Variants in HIPK3 observed in about 807,000 individuals in gnomAD.
HIPK3 encodes the protein homeodomain-interacting protein kinase 3.
A neutral mutation model predicts 124.2 loss-of-function variants in HIPK3; 47 were observed. The ratio of observed to expected loss-of-function variants is 0.38; its 90% confidence interval spans 0.30 to 0.48. The LOEUF (loss-of-function observed/expected upper bound fraction) is 0.48. Ranked by LOEUF, HIPK3 falls within the 20% of genes least tolerant of loss-of-function variation. The pLI, the probability that HIPK3 is intolerant of heterozygous loss-of-function variation, is 0.98. For synonymous variants in HIPK3, 482 were observed against 515.2 expected (o/e 0.94, Z 0.87); for missense variants, 1,286 against 1,454.3 (o/e 0.88, Z 1.88).
Position 33,348,661 on chromosome 11 carries a change from T to A in HIPK3, c.2509T>A (p.Cys837Ser). The change falls in exon 13 of 17, where the codon TGT becomes AGT. Residue 837 changes from cysteine (C) to serine (S), a missense_variant. This residue lies in a region of HIPK3 where 810 missense variants were observed against 864.9 expected (regional missense o/e 0.94). Transcript: ENST00000303296. ...CTCAGAAGGAGAGGCAAGAAATTGC[T>A]GTGAAACATCTATCAGACAGGACTC... ...QNSEGEARNC[C>S]ETSIRQDSDS... The A allele has an allele frequency of 6.2e-7, 1 of 1,614,188 alleles. No individual in the cohort carries two copies. Among genetic ancestry groups the A allele is most frequent in the Non-Finnish European group, 8.5e-7 (1 of 1,180,046 alleles).
chr11:33,278,760 C>T (rs566294924), intron 1 of HIPK3, among the ~76,000 whole-genome samples: 27 of 151,994 alleles, frequency 1.8e-4, no homozygotes, highest in Non-Finnish European at 3.5e-4. Flanking sequence ...AGGAGAATGG[C>T]GTGAACCCGG....
At position 33,286,973 on chromosome 11, in the gene HIPK3, C is replaced by T; in HGVS notation, c.559C>T (p.His187Tyr). The change falls in exon 2 of 17, where the codon CAT becomes TAT. Residue 187 changes from histidine (H) to tyrosine (Y), a missense_variant. This residue lies in a region of HIPK3 where 225 missense variants were observed against 240.3 expected (regional missense o/e 0.94). Coordinates refer to ENST00000303296, the MANE Select transcript of HIPK3 (RefSeq NM_005734.5). ...AGAAGGTGACTATCAGTTAGTACAG[C>T]ATGAAGTCTTATGCTCCATGAAAAA... ...TGEGDYQLVQHEVLCSMKNTY... is the reference protein window; with the variant it reads ...TGEGDYQLVQYEVLCSMKNTY... 6.2e-7 allele frequency: 1 copy of T among 1,614,072 alleles called. No individual in the cohort carries two copies. Among genetic ancestry groups the T allele is most frequent in the Non-Finnish European group, 8.5e-7 (1 of 1,179,956 alleles).
chr11:33,266,072 A>G lies in HIPK3; in HGVS notation c.-3+8183A>G, dbSNP rs1044099931. Among the ~76,000 whole-genome samples the G allele has an allele frequency of 8.6e-5, 13 of 150,706 alleles. 1 individual carries two copies. Among genetic ancestry groups the G allele is most frequent in the Admixed American group, 4.0e-4 (6 of 15,018 alleles). On this transcript the variant is annotated intron_variant, in intron 1 of 16. Coordinates refer to ENST00000303296, the MANE Select transcript of HIPK3 (RefSeq NM_005734.5). ...AGACTCCATCTCAAAAAAAAAAAAA[A>G]AAAAGAAAACAAACCTATTTTATCT...
upstream of HIPK3, chr11:33,256,755 G>T: frequency 1.0e-6 from 1 of 973,576 alleles, no homozygotes; most frequent in Non-Finnish European, 1.2e-6. Flanking sequence ...ATGTGGAGGT[G>T]GGCGAACTTC....
At chr11:33,270,568 T>G (rs1851098272) in intron 1 of HIPK3, among the ~76,000 whole-genome samples, 1 of 152,214 alleles carries the variant, frequency 6.6e-6, no homozygotes, top group Admixed American at 6.5e-5. Flanking sequence ...ATTACAACTT[T>G]ATATGAACAG....
intron 2 of HIPK3, among the ~76,000 whole-genome samples, chr11:33,302,339 C>CTTTTTTTTTTTTTTTTTTTTTTTTTTT (rs374964013): frequency 8.3e-6 from 1 of 121,140 alleles, no homozygotes; most frequent in African/African-American, 3.0e-5. Context: ...TAATTCCTTA[C>CTTTTTTTTTTTTTTTTTTTTTTTTTTT]TTCTTTTTTT....
chr11:33,341,219 T>C, intron 7 of HIPK3, 92 bp downstream of exon 7: 1 of 898,838 alleles, frequency 1.1e-6, no homozygotes, highest in South Asian at 2.0e-5. Context: ...TGTCAGTTGT[T>C]AGAATGTACA....
At chr11:33,348,840 C>T in intron 13 of HIPK3, 22 bp downstream of exon 13, 1 of 1,601,668 alleles carries the variant, frequency 6.2e-7, no homozygotes, top group South Asian at 1.1e-5. Flanking sequence ...ACGCTGCATC[C>T]TCAAAGGATA....
At chr11:33,342,427 G>A (rs113483722) in intron 8 of HIPK3, among the ~76,000 whole-genome samples, 3 of 152,054 alleles carry the variant, frequency 2.0e-5, no homozygotes, top group African/African-American at 7.2e-5. Flanking sequence ...GATAGCTTAG[G>A]TAATAAATAA....
rs756369080 is a variant in HIPK3, at chr11:33,341,674, C to T, written c.1885C>T (p.Pro629Ser). 6.2e-7 allele frequency: 1 copy of T among 1,610,710 alleles called. No homozygotes were observed. The highest frequency in any genetic ancestry group is 1.1e-5 in the South Asian group (1 of 90,040). ...TCAGCAGACATTGATTATCTGTCCC[C>T]CAGCTATTCAAGGTATTATTTTATT... ...AFQQTLIICP[P>S]AIQGIPATHG... Residue 629 changes from proline (P) to serine (S), a missense_variant, in exon 8 of 17, where the codon CCA (proline) becomes TCA (serine). Coordinates refer to ENST00000303296, the MANE Select transcript of HIPK3 (RefSeq NM_005734.5).
At chr11:33,276,958 G>T (rs1383258730) in intron 1 of HIPK3, among the ~76,000 whole-genome samples, 2 of 152,106 alleles carry the variant, frequency 1.3e-5, no homozygotes, top group African/African-American at 2.4e-5. Flanking sequence ...ACCAGCCTCG[G>T]TCTCCCAAAG....
At position 33,347,674 on chromosome 11, in the gene HIPK3, C is replaced by G; in HGVS notation, c.2065C>G (p.Gln689Glu). 6.2e-7 allele frequency: 1 copy of G among 1,614,162 alleles called. No homozygotes were observed. The highest frequency in any genetic ancestry group is 8.5e-7 in the Non-Finnish European group (1 of 1,180,000). Reference sequence around the variant, plus strand: ...GCAGATGCTGGTGCCTGCCTGGCAACAGGTGACACCCCTGGCTCCTGCTAC... The same window carrying G: ...GCAGATGCTGGTGCCTGCCTGGCAAGAGGTGACACCCCTGGCTCCTGCTAC... ...TQQMLVPAWQ[Q>E]VTPLAPATTT... Residue 689 changes from glutamine to glutamate, a missense_variant, in exon 10 of 17, where the codon CAG (glutamine) becomes GAG (glutamate). This residue lies in a region of HIPK3 where 810 missense variants were observed against 864.9 expected (regional missense o/e 0.94). Coordinates refer to ENST00000303296, the MANE Select transcript of HIPK3 (RefSeq NM_005734.5).
rs749886104 is a variant in HIPK3 at position 33,286,768 on chromosome 11, CCTAG to C, written c.355_358del (p.Leu119LysfsTer8). ...GGGCGTGGCGAAACAGATTGCATTT[CCTAG>C]AAGGCCCCCAGCGATGTGGATTGAA... On this transcript the variant is annotated frameshift_variant, in exon 2 of 17. Transcript: ENST00000303296. LOFTEE classifies it high-confidence loss of function. 1 of 1,614,066 alleles carries C rather than the reference CCTAG, an allele frequency of 6.2e-7. No individual in the cohort carries two copies. Among genetic ancestry groups the C allele is most frequent in the Admixed American group, 1.7e-5 (1 of 60,016 alleles).
At chr11:33,336,745 A>G (rs928302915) in intron 3 of HIPK3, among the ~76,000 whole-genome samples, 1 of 152,152 alleles carries the variant, frequency 6.6e-6, no homozygotes, top group African/African-American at 2.4e-5. Flanking sequence ...ATATTTACAC[A>G]TACTATAACC....
Position 33,287,411 on chromosome 11 carries a change from C to A in HIPK3, c.997C>A (p.Pro333Thr). Residue 333 changes from proline to threonine, a missense_variant, in exon 2 of 17, where the codon CCT becomes ACT. Around this residue, in one of 3 missense-constraint regions of HIPK3, gnomAD observed 251 missense variants for 349.1 expected, o/e 0.72. Coordinates refer to ENST00000303296, the MANE Select transcript of HIPK3 (RefSeq NM_005734.5). ...GCCAGAGAATATTATGTTGGTGGAT[C>A]CTGTTCGGCAGCCTTACAGGGTTAA... The part of the protein sequence containing the change: ...LKPENIMLVD[P>T]VRQPYRVKVI... 3 of 1,614,134 alleles carry A rather than the reference C, an allele frequency of 1.9e-6. No individual in the cohort carries two copies. Among genetic ancestry groups the A allele is most frequent in the South Asian group, 2.2e-5 (2 of 91,084 alleles).
intron 2 of HIPK3, among the ~76,000 whole-genome samples, chr11:33,306,312 G>A (rs761765947): frequency 4.6e-5 from 7 of 152,088 alleles, no homozygotes; most frequent in Non-Finnish European, 8.8e-5. Context: ...TTGTCAATTT[G>A]TGATTGTAAA....
chr11:33,283,361 C>T (rs10836048), intron 1 of HIPK3, among the ~76,000 whole-genome samples: 32,501 of 152,054 alleles, frequency 0.21, 4,084 homozygotes, highest in East Asian at 0.34. Flanking sequence ...CCGCCCACCT[C>T]GGCCTGCCAA....
chr11:33,305,740 AT>A (rs201060138), intron 2 of HIPK3, among the ~76,000 whole-genome samples: 1,557 of 152,188 alleles, frequency 0.01, 7 homozygotes, highest in Non-Finnish European at 0.015. Flanking sequence ...AATCTGGTGG[AT>A]TTTTTGTTTG....
chr11:33,342,507 TG>T (rs1853364849), intron 8 of HIPK3, among the ~76,000 whole-genome samples: 1 of 151,850 alleles, frequency 6.6e-6, no homozygotes, highest in Non-Finnish European at 1.5e-5. Context: ...TCAAGCGGAA[TG>T]GGTGACAGAA....
Sources: allele counts gnomAD v4.1 joint callset (sites outside exome capture counted in the v4.1 genomes callset), GRCh38; gene constraint gnomAD v4.1.1; regional missense constraint gnomAD v4.1.1; transcripts MANE v1.5; gene names NCBI Gene and HGNC (gene_info 2026-07-23, HGNC 2026-07-21).